Variants in DGKQ observed in about 807,000 individuals in gnomAD.
DGKQ encodes the protein diacylglycerol kinase theta, also known as DAG kinase theta.
A neutral mutation model predicts 104.2 loss-of-function variants in DGKQ; 97 were observed. The ratio of observed to expected loss-of-function variants is 0.93; its 90% CI spans 0.79 to 1.10. DGKQ has a LOEUF of 1.10. DGKQ is among the 50% of genes least tolerant of loss of function. The probability of loss-of-function intolerance (pLI) is 0.00; values close to 1 mark genes in which losing one functional copy is unlikely to be tolerated. For missense variants in DGKQ, 1,465 were observed against 1,352.1 expected, an observed-to-expected ratio of 1.08 and a Z score of -1.31; for synonymous variants, 736 against 595.2, an observed-to-expected ratio of 1.24 and a Z score of -3.44.
In DGKQ at chr4:967,955, G is replaced by T; in HGVS notation, c.736C>A (p.Pro246Thr). 6.7e-7 allele frequency: 1 copy of T among 1,486,714 alleles called. No individual in the cohort carries two copies. Among genetic ancestry groups the T allele is most frequent in the Non-Finnish European group, 8.9e-7 (1 of 1,126,640 alleles). The allele number at this position is 1,486,714 out of a possible 1,614,324, so 92.1% of individuals were successfully genotyped here. Residue 246 changes from proline to threonine, a missense_variant, in exon 6 of 23, where the codon CCC becomes ACC. Physicochemically the swap from Pro to Thr is conservative, Grantham distance 38 (BLOSUM62 -1). Transcript: ENST00000273814. ...CCGGGCAGAAGGCGCACGCACGCGG[G>T]AGGCAGGACCAGGGAGCGCAGACGC... ...FGRLRSLVLP[P>T]ACVRLLPGGF... is the part of the protein sequence containing the mutation.
At position 967,299 on chromosome 4, in the gene DGKQ, C is replaced by G; in HGVS notation, c.1050G>C (p.Leu350=). The change falls in exon 9 of 23, where the codon CTG becomes CTC. Residue 350 remains leucine (L), a synonymous_variant. Coordinates refer to ENST00000273814, the MANE Select transcript of DGKQ (RefSeq NM_001347.4). ...CGTCACAGGCCTGAGAGGAAGGGGG[C>G]AGCCGGCACAGCTCCAGGTGGCCAG... ...EDPGHLELCR[L]PPSSQACDAW... is the part of the protein sequence containing the mutation. The G allele has an allele frequency of 6.5e-7, 1 of 1,542,252 alleles. No individual in the cohort carries two copies. Among genetic ancestry groups the G allele is most frequent in the Non-Finnish European group, 8.7e-7 (1 of 1,148,820 alleles).
chr4:969,685 C>G (rs1274995584), intron 2 of DGKQ, among the ~76,000 whole-genome samples: 1 of 151,352 alleles, frequency 6.6e-6, no homozygotes, highest in Non-Finnish European at 1.5e-5. Context: ...TCTCGGCTCA[C>G]TGCAAGCTCC....
intron 16 of DGKQ, 74 bp downstream of exon 16, chr4:963,065 G>C: frequency 4.0e-6 from 6 of 1,512,112 alleles, no homozygotes; most frequent in Non-Finnish European, 5.3e-6. Flanking sequence ...TGCCGGCCGA[G>C]ACAGCTGTGG....
At chr4:969,026 G>A in intron 2 of DGKQ, 116 bp from the exon 3 acceptor site, 1 of 669,328 alleles carries the variant, frequency 1.5e-6, no homozygotes, top group South Asian at 2.2e-5. Flanking sequence ...GAACTGCCCA[G>A]GCTGAGCCAG....
chr4:960,530 T>G lies in DGKQ; in HGVS notation c.*90A>C, dbSNP rs1018469628. On this transcript the variant is annotated 3_prime_UTR_variant, in exon 23 of 23. Transcript: ENST00000273814. Reference sequence around the variant, plus strand: ...CAGGTCCGACCACAGGGCCGGCCACTGTGTGGACGTGGAGCTGCCTCCAGA... The same window carrying G: ...CAGGTCCGACCACAGGGCCGGCCACGGTGTGGACGTGGAGCTGCCTCCAGA... 8.2e-7 allele frequency: 1 copy of G among 1,222,440 alleles called. No individual in the cohort carries two copies. Among genetic ancestry groups the G allele is most frequent in the Non-Finnish European group, 1.2e-6 (1 of 844,594 alleles). The allele number at this position is 1,222,440 out of a possible 1,614,324, so 75.7% of individuals were successfully genotyped here. A position where few individuals can be genotyped will look rare whatever the true frequency, so the allele number is the denominator to read the frequency against.
At chr4:973,179 G>A in intron 1 of DGKQ, 33 bp downstream of exon 1, 1 of 1,508,952 alleles carries the variant, frequency 6.6e-7, no homozygotes, top group Non-Finnish European at 8.8e-7. Context: ...AGGCAGGGCT[G>A]CAGCCGGGTA....
Position 962,063 on chromosome 4 carries a change from T to G in DGKQ, c.2234A>C (p.Tyr745Ser). 1 of 1,612,290 alleles carries G rather than the reference T, an allele frequency of 6.2e-7. No individual in the cohort carries two copies. Among genetic ancestry groups the G allele is most frequent in the Non-Finnish European group, 8.5e-7 (1 of 1,179,896 alleles). The change falls in exon 19 of 23, where the codon TAC becomes TCC. Residue 745 changes from tyrosine (Y) to serine (S), a missense_variant. By Grantham distance (144) the Tyr-to-Ser change is moderately radical. Transcript: ENST00000273814. ...EPPKIVQMSNYCGIGIDAELS... is the reference protein window; with the variant it reads ...EPPKIVQMSNSCGIGIDAELS... ...CTCCGCGTCGATGCCAATGCCACAG[T>G]AGTTACTCATCTGCACGATCTGGGG...
chr4:962,356 A>G, intron 18 of DGKQ, 79 bp downstream of exon 18: 1 of 1,390,736 alleles, frequency 7.2e-7, no homozygotes, highest in African/African-American at 1.4e-5. Context: ...GTGGCTGGGA[A>G]GAGGACGCCC....
chr4:971,949 G>A lies in DGKQ; in HGVS notation c.272-877C>T, dbSNP rs1249854566. 5.9e-5 allele frequency among the ~76,000 whole-genome samples: 9 copies of A among 152,044 alleles called. No homozygotes were observed. Among genetic ancestry groups the A allele is most frequent in the African/African-American group, 1.2e-4 (5 of 41,396 alleles). On this transcript the variant is annotated intron_variant, in intron 1 of 22. Coordinates refer to ENST00000273814, the MANE Select transcript of DGKQ (RefSeq NM_001347.4). This position sits in a 1 kb window ranked among gnomAD's most constrained non-coding sequence, Gnocchi z 4.0. The stretch of plus-strand genomic sequence containing the variant: ...GCCACCCCAGTCTCCAGATGGGACC[G>A]GGAGAAGCTTCTCCTGGCAGCTTAA...
rs1157831562 is a variant in DGKQ, at chr4:961,045, A to G, written c.2727+4T>C. On this transcript the variant is annotated splice_donor_region_variant and intron_variant, in intron 22 of 22. Coordinates refer to ENST00000273814, the MANE Select transcript of DGKQ (RefSeq NM_001347.4). ...CCCTGGCTCTCCAGCCTCACCCCAC[A>G]TACCTTAGGGCCAGCAGCTGAGATG... The G allele has an allele frequency of 6.2e-7, 1 of 1,611,796 alleles. No homozygotes were observed. The highest frequency in any genetic ancestry group is 8.5e-7 in the Non-Finnish European group (1 of 1,179,500).
At chr4:967,699 G>A in intron 7 of DGKQ, 29 bp downstream of exon 7, 2 of 1,612,112 alleles carry the variant, frequency 1.2e-6, no homozygotes, top group Non-Finnish European at 1.7e-6. Flanking sequence ...GACCTCAGTG[G>A]AGTTGGGGGG....
rs772371335 is a variant in DGKQ, at chr4:967,882, G to C, written c.809C>G (p.Pro270Arg). The change falls in exon 6 of 23, where the codon CCG becomes CGG. Residue 270 changes from proline to arginine, a missense_variant and splice_region_variant. Transcript: ENST00000273814. ...GCCCCGGCCGGCCCGCACCTCACCCGGCTCCGCGGCCTCCACGATGCGGAA... is the reference window on the plus strand; with the variant it reads ...GCCCCGGCCGGCCCGCACCTCACCCCGCTCCGCGGCCTCCACGATGCGGAA... ...QSFRIVEAAE[P>R]GEGGDGADGS... 325 of 1,450,666 alleles carry C rather than the reference G, an allele frequency of 2.2e-4. No individual in the cohort carries two copies. Among genetic ancestry groups the C allele is most frequent in the Non-Finnish European group, 2.9e-4 (322 of 1,108,912 alleles). The allele number at this position is 1,450,666 out of a possible 1,614,324, so 89.9% of individuals were successfully genotyped here. A position where few individuals can be genotyped will look rare whatever the true frequency, so the allele number is the denominator to read the frequency against.
In DGKQ at chr4:971,126, T is replaced by C. The variant is rs1057004397; in HGVS notation, c.272-54A>G. 3 of 1,407,800 alleles carry C rather than the reference T, an allele frequency of 2.1e-6. No homozygotes were observed. The highest frequency in any genetic ancestry group is 2.8e-5 in the African/African-American group (2 of 70,284). 87.2% of individuals were successfully genotyped at this position (1,407,800 alleles called of 1,614,324 possible). A position where few individuals can be genotyped will look rare whatever the true frequency, so the allele number is the denominator to read the frequency against. ...CCCCTGTCCTACCCAATGGCTGTCC[T>C]ACCCAGGAAGTTAGAGGCCCCAGGG... is the stretch of plus-strand genomic sequence containing the variant. On this transcript the variant is annotated intron_variant, in intron 1 of 22. Coordinates refer to ENST00000273814, the MANE Select transcript of DGKQ (RefSeq NM_001347.4). The surrounding 1 kb of genome is among the most constrained non-coding windows in gnomAD (Gnocchi z 4.0).
chr4:970,955 C>T, intron 2 of DGKQ, 38 bp downstream of exon 2: 1 of 1,498,420 alleles, frequency 6.7e-7, no homozygotes, highest in Middle Eastern at 1.9e-4. Context: ...ACACATCCCC[C>T]AGCCTCTTGC....
chr4:960,539 G>A lies in DGKQ; in HGVS notation c.*81C>T, dbSNP rs181085028. On this transcript the variant is annotated 3_prime_UTR_variant, in exon 23 of 23. Coordinates refer to ENST00000273814, the MANE Select transcript of DGKQ (RefSeq NM_001347.4). ...CCACAGGGCCGGCCACTGTGTGGAC[G>A]TGGAGCTGCCTCCAGACCACCTGAA... The A allele has an allele frequency of 9.1e-4, 1,204 of 1,316,496 alleles. 12 individuals are homozygous for A. The African/African-American group carries it at 0.015, about 17-fold the overall frequency. The allele number at this position is 1,316,496 out of a possible 1,614,324, so 81.6% of individuals were successfully genotyped here. A position where few individuals can be genotyped will look rare whatever the true frequency, so the allele number is the denominator to read the frequency against.
rs200569018 is a variant in DGKQ, at chr4:961,136, C to T, written c.2640G>A (p.Thr880=). 1.4e-5 allele frequency: 22 copies of T among 1,606,608 alleles called. No individual in the cohort carries two copies. The highest frequency in any genetic ancestry group is 9.0e-5 in the East Asian group (4 of 44,624). Residue 880 remains threonine, a synonymous_variant, in exon 22 of 23, where the codon ACG becomes ACA. Transcript: ENST00000273814. The part of the protein sequence containing the change: ...RIAQGSYFRV[T]LLKATPVQVD... Reference sequence around the variant, plus strand: ...CCTGCACCGGGGTGGCCTTGAGGAGCGTGACTCGGAAGTAGGAACCCTGGG... The same window carrying T: ...CCTGCACCGGGGTGGCCTTGAGGAGTGTGACTCGGAAGTAGGAACCCTGGG...
Position 967,772 on chromosome 4 carries a change from G to C in DGKQ, c.842C>G (p.Ala281Gly). 2 of 1,608,046 alleles carry C rather than the reference G, an allele frequency of 1.2e-6. No homozygotes were observed. The highest frequency in any genetic ancestry group is 1.7e-6 in the Non-Finnish European group (2 of 1,177,788). Residue 281 changes from alanine (A) to glycine (G), a missense_variant, in exon 7 of 23, where the codon GCT becomes GGT. Physicochemically the swap from Ala to Gly is moderately conservative, Grantham distance 60. Coordinates refer to ENST00000273814, the MANE Select transcript of DGKQ (RefSeq NM_001347.4). ...TGTCTCTCTGCCTGGACCCACGGCA[G>C]CGCTCCCGTCGGCGCCGTCGCCCCC... is the stretch of plus-strand genomic sequence containing the variant. The part of the protein sequence containing the change: ...GEGGDGADGS[A>G]AVGPGRETQA...
At chr4:972,546 C>G (rs569554604) in intron 1 of DGKQ, among the ~76,000 whole-genome samples, 8 of 148,100 alleles carry the variant, frequency 5.4e-5, no homozygotes, top group African/African-American at 2.1e-4. Flanking sequence ...CTGTCCCTCG[C>G]TCCCTCCAGA....
At chr4:966,879 G>A in intron 10 of DGKQ, 77 bp from the exon 11 acceptor site, 1 of 1,556,930 alleles carries the variant, frequency 6.4e-7, no homozygotes, top group South Asian at 1.2e-5. Context: ...AGCCACGCCT[G>A]GGCTGGGATG....
Sources: allele counts gnomAD v4.1 joint callset (sites outside exome capture counted in the v4.1 genomes callset), GRCh38; gene constraint gnomAD v4.1.1; non-coding constraint Gnocchi (gnomAD v3.1); transcripts MANE v1.5; gene names NCBI Gene and HGNC (gene_info 2026-07-23, HGNC 2026-07-21).